The following C11orf65 variants were observed in gnomAD, a reference collection of about 807,000 sequenced individuals.
The protein encoded by C11orf65 is protein MFI.
A neutral mutation model predicts 35.3 loss-of-function variants in C11orf65; 38 were observed. The observed-to-expected ratio is 1.08, with a 90% confidence interval of 0.83 to 1.41. The LOEUF (loss-of-function observed/expected upper bound fraction) is 1.41, where lower values mean the gene tolerates loss of function less well. C11orf65 is among the 40% of genes most tolerant of loss of function. The pLI is 0.00. For missense variants in C11orf65, 370 were observed against 367.1 expected, an observed-to-expected ratio of 1.01 and a Z score of -0.06; for synonymous variants, 105 against 114.4, an observed-to-expected ratio of 0.92 and a Z score of 0.53.
chr11:108,435,831 G>A (rs565089598), intron 2 of C11orf65, among the ~76,000 whole-genome samples: 71 of 152,140 alleles, frequency 4.7e-4, no homozygotes, highest in African/African-American at 1.5e-3. Flanking sequence ...GCAGCATAAC[G>A]CTCCCTAACA....
chr11:108,439,417 T>C (rs1455679565), intron 2 of C11orf65, among the ~76,000 whole-genome samples: 1 of 152,194 alleles, frequency 6.6e-6, no homozygotes, highest in Non-Finnish European at 1.5e-5. Context: ...GTGGTAAAGT[T>C]TGGCAGTTCC....
intron 2 of C11orf65, among the ~76,000 whole-genome samples, chr11:108,450,167 A>C (rs1202020207): frequency 3.3e-5 from 5 of 152,104 alleles, no homozygotes; most frequent in South Asian, 2.1e-4. Flanking sequence ...AAACAGGAAC[A>C]CTTTTACACT....
intron 2 of C11orf65, among the ~76,000 whole-genome samples, chr11:108,358,366 A>G (rs2137531131): frequency 6.9e-6 from 1 of 145,770 alleles, no homozygotes; most frequent in African/African-American, 2.6e-5. Flanking sequence ...GTTGGAAAAC[A>G]CTCTGCAGGA....
chr11:108,324,774 T>C (rs1565516770), intron 6 of C11orf65, among the ~76,000 whole-genome samples: 1 of 152,238 alleles, frequency 6.6e-6, no homozygotes, highest in Non-Finnish European at 1.5e-5. Context: ...ATAAACTAAT[T>C]GTGCAATATG....
chr11:108,336,565 G>A (rs906080531), intron 2 of C11orf65, among the ~76,000 whole-genome samples: 12 of 151,916 alleles, frequency 7.9e-5, no homozygotes, highest in Middle Eastern at 3.2e-3. Flanking sequence ...AGTCCTTATC[G>A]ATGGGCATTT....
intron 2 of C11orf65, among the ~76,000 whole-genome samples, chr11:108,374,275 T>G (rs899058044): frequency 4.6e-5 from 7 of 152,180 alleles, no homozygotes; most frequent in Non-Finnish European, 1.0e-4. Context: ...GGCCAGGTAC[T>G]CCTCTGAGAC....
chr11:108,326,273 A>G (rs1313653655), intron 6 of C11orf65: 2 of 1,605,526 alleles, frequency 1.2e-6, no homozygotes, highest in Admixed American at 1.7e-5. Context: ...TTATTTAAAA[A>G]AACACAAATG....
chr11:108,357,506 A>G (rs1244813599), intron 2 of C11orf65, among the ~76,000 whole-genome samples: 3 of 152,330 alleles, frequency 2.0e-5, no homozygotes, highest in African/African-American at 7.2e-5. Context: ...ACAGACAAAC[A>G]AAAAGACAGC....
chr11:108,316,945 A>C (rs2084716065), intron 6 of C11orf65, among the ~76,000 whole-genome samples: 1 of 151,334 alleles, frequency 6.6e-6, no homozygotes, highest in South Asian at 2.1e-4. Context: ...TAAATAAATA[A>C]ATTTTAGAGA....
intron 6 of C11orf65, chr11:108,315,734 C>T: frequency 1.1e-6 from 1 of 891,386 alleles, no homozygotes; most frequent in Non-Finnish European, 1.8e-6. Flanking sequence ...TTGGGAGTTA[C>T]ATATTGGTAA....
chr11:108,366,977 C>G (rs2091363818), intron 2 of C11orf65: 1 of 208,196 alleles, frequency 4.8e-6, no homozygotes, highest in Non-Finnish European at 9.8e-6. Context: ...ATTCACCTCT[C>G]TGGTTTTTCA....
intron 2 of C11orf65, among the ~76,000 whole-genome samples, chr11:108,376,265 AATT>A (rs1479929146): frequency 6.6e-6 from 1 of 151,974 alleles, no homozygotes; most frequent in Non-Finnish European, 1.5e-5. Context: ...AAAGAACAGA[AATT>A]ATAACAAACT....
intron 3 of C11orf65, among the ~76,000 whole-genome samples, chr11:108,424,874 A>G (rs1250242620): frequency 1.3e-5 from 2 of 152,172 alleles, no homozygotes. Flanking sequence ...GCACAACTAC[A>G]TGGAACCTTA....
intron 3 of C11orf65, chr11:108,334,884 T>C (rs1268038951): frequency 1.4e-6 from 2 of 1,467,122 alleles, no homozygotes; most frequent in East Asian, 4.6e-5. Context: ...CTGTTTAATA[T>C]TAAAATTGCC....
chr11:108,419,517 G>A (rs1249934672), intron 3 of C11orf65, among the ~76,000 whole-genome samples: 2 of 152,036 alleles, frequency 1.3e-5, no homozygotes, highest in Non-Finnish European at 2.9e-5. Flanking sequence ...GGGCAACATA[G>A]GAAGACTCTG....
intron 3 of C11orf65, among the ~76,000 whole-genome samples, chr11:108,410,718 T>TTC (rs1200112244): frequency 6.6e-6 from 1 of 150,820 alleles, no homozygotes; most frequent in Non-Finnish European, 1.5e-5. Context: ...TTACTTTTTT[T>TTC]TTTTTTTTGA....
chr11:108,421,422 G>A (rs913555033), intron 3 of C11orf65, among the ~76,000 whole-genome samples: 19 of 152,242 alleles, frequency 1.2e-4, no homozygotes, highest in Admixed American at 5.9e-4. Context: ...TTGGGAGGCC[G>A]AGGCGAGCGG....
chr11:108,346,024 T>C, intron 2 of C11orf65: 1 of 1,221,896 alleles, frequency 8.2e-7, no homozygotes, highest in Non-Finnish European at 1.2e-6. Flanking sequence ...AGTGATGATG[T>C]GGTTAGTAAC....
chr11:108,460,458 G>A (rs2093460183), intron 2 of C11orf65, among the ~76,000 whole-genome samples: 1 of 152,098 alleles, frequency 6.6e-6, no homozygotes, highest in East Asian at 1.9e-4. Context: ...CATTAACCCG[G>A]ATATAGTGTA....
Sources: allele counts gnomAD v4.1 joint callset (sites outside exome capture counted in the v4.1 genomes callset), GRCh38; gene constraint gnomAD v4.1.1; transcripts MANE v1.5; gene names NCBI Gene and HGNC (gene_info 2026-07-23, HGNC 2026-07-21).